MKLN1: variants seen among roughly 807,000 people sequenced by gnomAD.
MKLN1 encodes the protein muskelin.
Under a neutral mutation model 99.0 loss-of-function variants are expected in MKLN1, and 18 were observed. That is an observed-to-expected ratio of 0.18 (90% confidence interval 0.13 to 0.27). MKLN1 has a LOEUF of 0.27. Among genes scored for constraint, MKLN1 ranks in the 10% least tolerant of loss-of-function variants. The pLI, the probability that MKLN1 is intolerant of heterozygous loss-of-function variation, is 1.00. For missense variants in MKLN1, 621 were observed against 875.9 expected, an observed-to-expected ratio of 0.71 and a Z score of 3.67; for synonymous variants, 288 against 293.2, an observed-to-expected ratio of 0.98 and a Z score of 0.18.
chr7:131,151,245 C>G (rs1795884770), intron 2 of MKLN1, among the ~76,000 whole-genome samples: 1 of 152,170 alleles, frequency 6.6e-6, no homozygotes, highest in African/African-American at 2.4e-5. Flanking sequence ...AGGACTCTGC[C>G]AAATTACTGG....
intron 3 of MKLN1, among the ~76,000 whole-genome samples, chr7:131,245,746 T>C (rs1797477825): frequency 6.6e-6 from 1 of 152,232 alleles, no homozygotes; most frequent in Non-Finnish European, 1.5e-5. Context: ...AGTGGGCTTA[T>C]CCCATCTAGG....
chr7:131,288,961 G>A (rs13237471), intron 3 of MKLN1, among the ~76,000 whole-genome samples: 28,095 of 151,960 alleles, frequency 0.18, 2,811 homozygotes, highest in African/African-American at 0.27. Context: ...CAGGTGGTTA[G>A]GCAGAGCCTT....
chr7:131,429,514 G>A (rs1277356704), intron 9 of MKLN1, among the ~76,000 whole-genome samples: 1 of 152,048 alleles, frequency 6.6e-6, no homozygotes, highest in Non-Finnish European at 1.5e-5. Flanking sequence ...GGAATATTGT[G>A]TTTTTGACAC....
chr7:131,218,757 C>T (rs1797020472), intron 3 of MKLN1, among the ~76,000 whole-genome samples: 1 of 152,150 alleles, frequency 6.6e-6, no homozygotes, highest in African/African-American at 2.4e-5. Context: ...AAGACAAATA[C>T]CTCAAGGTCT....
At chr7:131,298,887 A>G (rs1798334939) in intron 3 of MKLN1, among the ~76,000 whole-genome samples, 1 of 152,304 alleles carries the variant, frequency 6.6e-6, no homozygotes, top group East Asian at 1.9e-4. Flanking sequence ...GAATCTGATC[A>G]TAGGTTTGTT....
intron 1 of MKLN1, among the ~76,000 whole-genome samples, chr7:131,115,677 A>G (rs1276219167): frequency 1.3e-5 from 2 of 151,698 alleles, no homozygotes; most frequent in Non-Finnish European, 2.9e-5. Context: ...CTCATCTCCC[A>G]CCACTCTCCA....
rs1441488197 is a variant in MKLN1, at chr7:131,141,771, G to A, written c.-418-1049G>A. Among the ~76,000 whole-genome samples the A allele has an allele frequency of 2.0e-5, 3 of 152,116 alleles. No homozygotes were observed. The East Asian group carries it at 5.8e-4, about 29-fold the overall frequency. The stretch of plus-strand genomic sequence containing the variant: ...GTTAGGTTACCTCCTAGGGCTCTCA[G>A]TACTTATCTCTTCATAACACGCTTC... On this transcript the variant is annotated intron_variant, in intron 1 of 7. Transcript: ENST00000416992.
At chr7:131,363,193 G>C (rs1800080706) in intron 1 of MKLN1, among the ~76,000 whole-genome samples, 1 of 151,942 alleles carries the variant, frequency 6.6e-6, no homozygotes. Flanking sequence ...TGTGGCTCCA[G>C]GCCGCATTTG....
intron 2 of MKLN1, chr7:131,142,988 G>A (rs1795759353): frequency 8.1e-7 from 1 of 1,237,216 alleles, no homozygotes; most frequent in Non-Finnish European, 1.1e-6. Flanking sequence ...TGTCAAAAAA[G>A]TACTGTACCT....
At chr7:131,253,556 A>T (rs951011894) in intron 3 of MKLN1, among the ~76,000 whole-genome samples, 2 of 152,168 alleles carry the variant, frequency 1.3e-5, no homozygotes, top group Admixed American at 6.6e-5. Flanking sequence ...CCACAAAGGG[A>T]GATACAAGTC....
intron 1 of MKLN1, among the ~76,000 whole-genome samples, chr7:131,347,733 T>C (rs1442565908): frequency 6.6e-6 from 1 of 152,242 alleles, no homozygotes; most frequent in African/African-American, 2.4e-5. Flanking sequence ...TCATTTATAC[T>C]TAAACTGGTT....
chr7:131,473,661 C>G (rs187924800), intron 16 of MKLN1, among the ~76,000 whole-genome samples: 103 of 152,290 alleles, frequency 6.8e-4, no homozygotes, highest in Non-Finnish European at 1.2e-3. Flanking sequence ...ATTCATTACA[C>G]TTCTGCGGAG....
intron 6 of MKLN1, among the ~76,000 whole-genome samples, chr7:131,401,143 T>G (rs1794532612): frequency 6.6e-6 from 1 of 152,178 alleles, no homozygotes; most frequent in Admixed American, 6.5e-5. Flanking sequence ...CTGTCAAGCT[T>G]CTTGTAATGG....
Position 131,255,610 on chromosome 7 carries a change from G to A in MKLN1, c.-179+52636G>A, listed in dbSNP as rs141152601. 2.0e-4 allele frequency among the ~76,000 whole-genome samples: 30 copies of A among 151,872 alleles called. 1 individual carries two copies. The South Asian group carries it at 2.1e-3, about 11-fold the overall frequency. On this transcript the variant is annotated intron_variant, in intron 3 of 7. Coordinates refer to the MKLN1 transcript ENST00000416992. ...TATTTATTTCTTCAGATGTAGTCTC[G>A]CTCTGTTGCCCAGGCTGGAGTGCAG...
In MKLN1 at chr7:131,487,704, C is replaced by G; in HGVS notation, c.2184C>G (p.Asn728Lys). Residue 728 changes from asparagine to lysine, a missense_variant, in exon 18 of 18, where the codon AAC (asparagine) becomes AAG (lysine). Physicochemically the swap from Asn to Lys is moderately conservative, Grantham distance 94 (BLOSUM62 0). Transcript: ENST00000352689. This position sits in a 1 kb window ranked among gnomAD's most constrained non-coding sequence, Gnocchi z 4.7. Reference protein sequence around the residue: ...FPDSMTPPKGNLVDLITL With the variant: ...FPDSMTPPKGKLVDLITL ...ACAGCATGACTCCTCCTAAAGGCAA[C>G]CTGGTAGACCTCATCACACTGTAAC... The G allele has an allele frequency of 6.2e-7, 1 of 1,612,966 alleles. No homozygotes were observed.
intron 1 of MKLN1, among the ~76,000 whole-genome samples, chr7:131,120,393 A>ACAAAC (rs141975405): frequency 1.3e-5 from 2 of 149,396 alleles, no homozygotes; most frequent in Admixed American, 6.7e-5. Context: ...AAACAAACAA[A>ACAAAC]AAAAAACTAG....
At chr7:131,172,425 C>T (rs977888461) in intron 2 of MKLN1, among the ~76,000 whole-genome samples, 1 of 152,104 alleles carries the variant, frequency 6.6e-6, no homozygotes, top group African/African-American at 2.4e-5. Flanking sequence ...ACGCCATTCT[C>T]CTGCCTCAGC....
rs1733862 is a variant in MKLN1 at position 131,493,567 on chromosome 7, T to C, written c.*5839T>C. 83,627 of 152,040 alleles carry C rather than the reference T, an allele frequency of 0.55. 23,513 individuals carry two copies. Among genetic ancestry groups the C allele is most frequent in the East Asian group, 0.69 (3,546 of 5,172 alleles). The allele number at this position is 152,040 out of a possible 1,614,324, so 9.4% of individuals were successfully genotyped here. ...TCTTGGGAAGTAGCATTTCCCTTCT[T>C]CCAAATAACTGTTTGAGATCTTAAA... On this transcript the variant is annotated 3_prime_UTR_variant, in exon 18 of 18. Coordinates refer to ENST00000352689, the MANE Select transcript of MKLN1 (RefSeq NM_013255.5).
intron 1 of MKLN1, among the ~76,000 whole-genome samples, chr7:131,375,037 T>G (rs565324886): frequency 7.9e-5 from 12 of 151,634 alleles, no homozygotes; most frequent in Admixed American, 2.0e-4. Flanking sequence ...GGCCTTGAAC[T>G]CTGGGCCTCA....
Sources: gnomAD v4.1 joint callset for allele counts (sites outside exome capture counted in the v4.1 genomes callset) on GRCh38, gnomAD v4.1.1 for gene constraint, Gnocchi (gnomAD v3.1) non-coding constraint, MANE v1.5 for transcripts, NCBI Gene and HGNC (gene_info 2026-07-23, HGNC 2026-07-21) for gene names.